The following MYO3A variants were observed in gnomAD, a reference collection of about 807,000 sequenced individuals.
MYO3A encodes the protein myosin IIIA.
A neutral mutation model predicts 192.7 loss-of-function variants in MYO3A; 180 were observed. The ratio of observed to expected loss-of-function variants is 0.93; its 90% CI spans 0.83 to 1.06. The LOEUF is 1.06. Ranked by LOEUF, MYO3A falls within the 50% of genes least tolerant of loss-of-function variation. The probability of loss-of-function intolerance (pLI) is 0.00; values close to 1 mark genes in which losing one functional copy is unlikely to be tolerated. For missense variants in MYO3A, 1,896 were observed against 1,905.0 expected (o/e 1.00, Z 0.09); for synonymous variants, 628 against 645.3 (o/e 0.97, Z 0.41).
chr10:26,036,575 T>C (rs1032022505), intron 10 of MYO3A, among the ~76,000 whole-genome samples: 2 of 152,238 alleles, frequency 1.3e-5, no homozygotes, highest in Non-Finnish European at 2.9e-5. Context: ...TCTCAGACTT[T>C]TTTTAGCCTG....
chr10:26,208,439 C>T (rs1265978891), intron 34 of MYO3A, among the ~76,000 whole-genome samples: 2 of 152,180 alleles, frequency 1.3e-5, no homozygotes, highest in African/African-American at 2.4e-5. Context: ...CACTCCACTT[C>T]TTACTAGCCA....
At chr10:25,945,618 T>C (rs981015352) in intron 2 of MYO3A, among the ~76,000 whole-genome samples, 1 of 152,148 alleles carries the variant, frequency 6.6e-6, no homozygotes, top group African/African-American at 2.4e-5. Flanking sequence ...TTCTTCTTTG[T>C]CTCTTGTAAA....
intron 6 of MYO3A, among the ~76,000 whole-genome samples, chr10:26,010,227 G>T (rs1263222217): frequency 6.6e-6 from 1 of 152,210 alleles, no homozygotes; most frequent in Non-Finnish European, 1.5e-5. Flanking sequence ...ACTTCCAAGA[G>T]AAATCACATG....
chr10:26,102,130 G>A (rs534466258), intron 17 of MYO3A, among the ~76,000 whole-genome samples: 13 of 151,930 alleles, frequency 8.6e-5, no homozygotes, highest in African/African-American at 2.2e-4. Flanking sequence ...TTCTCTTCTC[G>A]CTTCATTTCA....
chr10:26,099,814 A>G (rs1837315848), intron 17 of MYO3A, among the ~76,000 whole-genome samples: 1 of 152,180 alleles, frequency 6.6e-6, no homozygotes, highest in Non-Finnish European at 1.5e-5. Context: ...TCGGTTTGCC[A>G]GTATTTTATT....
At chr10:25,990,722 T>C (rs543571736) in intron 4 of MYO3A, among the ~76,000 whole-genome samples, 70 of 143,976 alleles carry the variant, frequency 4.9e-4, no homozygotes, top group African/African-American at 1.7e-3. Context: ...CCAAGTGTTC[T>C]CATTGTTCAA....
chr10:25,968,251 C>A (rs1482120893), intron 4 of MYO3A, among the ~76,000 whole-genome samples: 2 of 152,188 alleles, frequency 1.3e-5, no homozygotes, highest in Admixed American at 6.5e-5. Flanking sequence ...GGAATGACAT[C>A]TTTGAAGGAC....
chr10:26,017,048 A>G, intron 7 of MYO3A, 152 bp downstream of exon 7: 1 of 819,742 alleles, frequency 1.2e-6, no homozygotes, highest in Non-Finnish European at 2.0e-6. Flanking sequence ...ATGTGTGAGG[A>G]GGCACCTGGG....
At chr10:26,117,310 A>G (rs1838570451) in intron 17 of MYO3A, among the ~76,000 whole-genome samples, 1 of 152,178 alleles carries the variant, frequency 6.6e-6, no homozygotes, top group Admixed American at 6.5e-5. Flanking sequence ...ATCGAGGGTA[A>G]AAAAACACAT....
At chr10:26,088,688 T>C (rs1836494839) in intron 15 of MYO3A, among the ~76,000 whole-genome samples, 2 of 152,190 alleles carry the variant, frequency 1.3e-5, no homozygotes, top group South Asian at 4.1e-4. Flanking sequence ...CATTCTGACA[T>C]AGCAGAGAAT....
chr10:26,118,342 C>A (rs972988783), intron 17 of MYO3A, among the ~76,000 whole-genome samples: 1 of 152,132 alleles, frequency 6.6e-6, no homozygotes, highest in Non-Finnish European at 1.5e-5. Context: ...ATCAGAGTTT[C>A]CTTAGAAAAA....
chr10:26,037,362 A>C (rs369813008), intron 10 of MYO3A, among the ~76,000 whole-genome samples: 1 of 152,238 alleles, frequency 6.6e-6, no homozygotes, highest in South Asian at 2.1e-4. Context: ...ATGGCTTTAT[A>C]TGTTCAACAG....
At chr10:26,149,526 C>T (rs1395121186) in intron 23 of MYO3A, among the ~76,000 whole-genome samples, 3 of 152,260 alleles carry the variant, frequency 2.0e-5, no homozygotes, top group South Asian at 2.1e-4. Flanking sequence ...TGAGCCACCA[C>T]GCCTGGCCAA....
chr10:26,143,102 G>T (rs1030179416), intron 20 of MYO3A, among the ~76,000 whole-genome samples: 1 of 152,048 alleles, frequency 6.6e-6, no homozygotes, highest in African/African-American at 2.4e-5. Context: ...AGGTTGAGGC[G>T]GGAGGATCAC....
intron 4 of MYO3A, among the ~76,000 whole-genome samples, chr10:25,973,243 A>G (rs1838767450): frequency 6.6e-6 from 1 of 152,054 alleles, no homozygotes. Context: ...CTTTGTAGCA[A>G]TCGTGAATGG....
chr10:25,952,070 T>C (rs1354657545), intron 2 of MYO3A, 24 bp from the exon 3 acceptor site: 7 of 1,556,464 alleles, frequency 4.5e-6, no homozygotes, highest in Non-Finnish European at 5.3e-6. Context: ...CAACTGTAGA[T>C]GAAACTGTAC....
chr10:26,031,979 A>G (rs1334403219), intron 10 of MYO3A, among the ~76,000 whole-genome samples: 1 of 152,236 alleles, frequency 6.6e-6, no homozygotes, highest in East Asian at 1.9e-4. Flanking sequence ...CATATTATTA[A>G]CATGTTAACA....
chr10:25,974,083 C>G (rs368289904), intron 4 of MYO3A, among the ~76,000 whole-genome samples: 1 of 151,986 alleles, frequency 6.6e-6, no homozygotes, highest in African/African-American at 2.4e-5. Context: ...AAGCCCAAAT[C>G]GACAAATGGG....
At chr10:26,027,727 A>T (rs1842620311) in intron 10 of MYO3A, among the ~76,000 whole-genome samples, 2 of 152,346 alleles carry the variant, frequency 1.3e-5, no homozygotes, top group South Asian at 4.1e-4. Context: ...TGAATAGTGA[A>T]TATCCATATA....
Sources: allele counts gnomAD v4.1 joint callset (sites outside exome capture counted in the v4.1 genomes callset), GRCh38; gene constraint gnomAD v4.1.1; transcripts MANE v1.5; gene names NCBI Gene and HGNC (gene_info 2026-07-23, HGNC 2026-07-21).